The following ITPR2 variants were observed in gnomAD, a reference collection of about 807,000 sequenced individuals.
ITPR2 encodes the protein inositol 1,4,5-trisphosphate receptor type 2, also known as inositol 1,4,5-trisphosphate-gated calcium channel ITPR2.
ITPR2 carries 207 observed loss-of-function variants against 317.1 expected under a neutral mutation model. That is an observed-to-expected ratio of 0.65 (90% CI 0.58 to 0.73). The LOEUF (loss-of-function observed/expected upper bound fraction) is 0.73, where lower values mean the gene tolerates loss of function less well. Among genes scored for constraint, ITPR2 ranks in the 30% least tolerant of loss-of-function variants. The pLI, the probability that ITPR2 is intolerant of heterozygous loss-of-function variation, is 0.00. For synonymous variants in ITPR2, 1,156 were observed against 1,149.1 expected, an observed-to-expected ratio of 1.01 and a Z score of -0.12; for missense variants, 2,613 against 3,284.0, an observed-to-expected ratio of 0.80 and a Z score of 4.99.
At chr12:26,386,798 G>A (rs1038575957) in intron 55 of ITPR2, among the ~76,000 whole-genome samples, 9 of 151,852 alleles carry the variant, frequency 5.9e-5, no homozygotes, top group African/African-American at 1.9e-4. Context: ...TTTCCCTTTC[G>A]GGCCAATTTG....
intron 45 of ITPR2, among the ~76,000 whole-genome samples, chr12:26,473,075 T>C (rs538177165): frequency 1.5e-3 from 233 of 152,200 alleles, no homozygotes; most frequent in African/African-American, 5.4e-3. Flanking sequence ...TTAGTACAGA[T>C]GAGGTTTCAC....
At chr12:26,371,518 G>A (rs552322146) in intron 55 of ITPR2, among the ~76,000 whole-genome samples, 2 of 152,348 alleles carry the variant, frequency 1.3e-5, no homozygotes, top group Admixed American at 1.3e-4. Context: ...AAACGCTTTG[G>A]ATAGACTATG....
At chr12:26,609,833 GA>G (rs1946224074) in intron 26 of ITPR2, among the ~76,000 whole-genome samples, 1 of 152,148 alleles carries the variant, frequency 6.6e-6, no homozygotes, top group Non-Finnish European at 1.5e-5. Flanking sequence ...AATAGGATAA[GA>G]ATGTGTAAAA....
At position 26,714,416 on chromosome 12, in the gene ITPR2, G is replaced by A. The variant is rs117935313; in HGVS notation, c.855+883C>T. 6.0e-3 allele frequency among the ~76,000 whole-genome samples: 906 copies of A among 152,076 alleles called. 3 individuals are homozygous for A. Among genetic ancestry groups the A allele is most frequent in the Middle Eastern group, 0.037 (11 of 294 alleles). ...ATCCAAACATATCCATCCAAGATGG[G>A]CATAAATATTGTATCTTTTAGATAG... On this transcript the variant is annotated intron_variant, in intron 8 of 56. Coordinates refer to ENST00000381340, the MANE Select transcript of ITPR2 (RefSeq NM_002223.4).
At chr12:26,404,889 T>G (rs1393638043) in intron 52 of ITPR2, among the ~76,000 whole-genome samples, 1 of 152,118 alleles carries the variant, frequency 6.6e-6, no homozygotes, top group Non-Finnish European at 1.5e-5. Flanking sequence ...ATCCCAGCAC[T>G]TTGGGAGGCT....
At position 26,372,706 on chromosome 12, in the gene ITPR2, C is replaced by T. The variant is rs560421990; in HGVS notation, c.7857+14728G>A. On this transcript the variant is annotated intron_variant, in intron 55 of 56. Coordinates refer to ENST00000381340, the MANE Select transcript of ITPR2 (RefSeq NM_002223.4). ...TCTCAAGTAAGAATAACTTTTATCA[C>T]CCCAATAAAATGGGTTATCTTATTA... Among the ~76,000 whole-genome samples, 13 of 152,328 alleles carry T rather than the reference C, an allele frequency of 8.5e-5. No individual in the cohort carries two copies. In the East Asian group the frequency reaches 9.6e-4, roughly 11 times the overall value.
intron 37 of ITPR2, among the ~76,000 whole-genome samples, chr12:26,525,364 C>T (rs138155468): frequency 4.1e-4 from 62 of 152,264 alleles, no homozygotes; most frequent in African/African-American, 1.4e-3. Context: ...GTTAAGTAAA[C>T]AGACTTAGAA....
At chr12:26,796,001 G>GT (rs1324882952) in intron 1 of ITPR2, among the ~76,000 whole-genome samples, 2 of 116,310 alleles carry the variant, frequency 1.7e-5, no homozygotes, top group African/African-American at 7.8e-5. Flanking sequence ...AAAAAAAAAG[G>GT]GGGGGGGGGC....
At chr12:26,705,912 T>C (rs918167287) in intron 9 of ITPR2, among the ~76,000 whole-genome samples, 6 of 152,216 alleles carry the variant, frequency 3.9e-5, no homozygotes, top group Non-Finnish European at 7.3e-5. Flanking sequence ...TAATGCAAAA[T>C]AATTTTCTTT....
intron 2 of ITPR2, among the ~76,000 whole-genome samples, chr12:26,740,408 A>G (rs1376033648): frequency 6.6e-6 from 1 of 152,234 alleles, no homozygotes; most frequent in East Asian, 1.9e-4. Context: ...GTACCAACTC[A>G]TTATTCTAAA....
chr12:26,538,566 T>A (rs9668039), intron 37 of ITPR2, among the ~76,000 whole-genome samples: 77,383 of 142,010 alleles, frequency 0.54, 24,574 homozygotes, highest in Non-Finnish European at 0.74. Flanking sequence ...GTGATTTTTT[T>A]TTCTTTTTTT....
intron 51 of ITPR2, among the ~76,000 whole-genome samples, chr12:26,413,185 C>A (rs1274434830): frequency 6.6e-6 from 1 of 152,204 alleles, no homozygotes; most frequent in Non-Finnish European, 1.5e-5. Context: ...CAAGTGGCAG[C>A]TACTTCATCT....
intron 32 of ITPR2, among the ~76,000 whole-genome samples, chr12:26,585,012 C>T (rs1356217097): frequency 6.6e-6 from 1 of 152,170 alleles, no homozygotes; most frequent in Non-Finnish European, 1.5e-5. Flanking sequence ...ATACACTCAA[C>T]TGGCTTTCTT....
At chr12:26,587,192 T>C (rs1239056261) in intron 32 of ITPR2, among the ~76,000 whole-genome samples, 2 of 150,672 alleles carry the variant, frequency 1.3e-5, no homozygotes, top group African/African-American at 2.4e-5. Flanking sequence ...GTATCTATTA[T>C]GTGTGAGACA....
chr12:26,342,776 ATTTT>A (rs1938176438), intron 55 of ITPR2, among the ~76,000 whole-genome samples: 1 of 151,818 alleles, frequency 6.6e-6, no homozygotes, highest in African/African-American at 2.4e-5. Flanking sequence ...TGCCCGGCTG[ATTTT>A]GAATTTTTAG....
chr12:26,804,487 A>C (rs1950609519), intron 1 of ITPR2, among the ~76,000 whole-genome samples: 1 of 152,160 alleles, frequency 6.6e-6, no homozygotes, highest in Non-Finnish European at 1.5e-5. Flanking sequence ...GAAGCAACCC[A>C]CATGACCTCT....
intron 45 of ITPR2, among the ~76,000 whole-genome samples, chr12:26,469,768 A>C (rs1188835609): frequency 3.9e-5 from 6 of 152,064 alleles, no homozygotes; most frequent in Admixed American, 6.6e-5. Context: ...AAGAACAAGA[A>C]ATGTAAATCC....
At chr12:26,487,635 C>T (rs568459725) in intron 39 of ITPR2, among the ~76,000 whole-genome samples, 31 of 152,258 alleles carry the variant, frequency 2.0e-4, no homozygotes, top group South Asian at 1.2e-3. Flanking sequence ...GTCAAGCCCT[C>T]TGTTAATAGG....
chr12:26,454,037 T>C (rs1356201405), intron 45 of ITPR2, among the ~76,000 whole-genome samples: 2 of 152,092 alleles, frequency 1.3e-5, no homozygotes, highest in African/African-American at 2.4e-5. Flanking sequence ...GATGGATGGA[T>C]GGATGGACGG....
Sources: allele counts gnomAD v4.1 joint callset (sites outside exome capture counted in the v4.1 genomes callset), GRCh38; gene constraint gnomAD v4.1.1; transcripts MANE v1.5; gene names NCBI Gene and HGNC (gene_info 2026-07-23, HGNC 2026-07-21).